JAKMIP1: variants seen among roughly 807,000 people sequenced by gnomAD.
JAKMIP1 encodes janus kinase and microtubule-interacting protein 1.
In JAKMIP1, 33 loss-of-function variants were observed where a neutral mutation model predicts 113.0. The ratio of observed to expected loss-of-function variants is 0.29; its 90% confidence interval spans 0.22 to 0.39. JAKMIP1 has a LOEUF of 0.39. JAKMIP1 is among the 10% of genes least tolerant of loss of function. The pLI, the probability that JAKMIP1 is intolerant of heterozygous loss-of-function variation, is 1.00. For missense variants in JAKMIP1, 813 were observed against 1,080.5 expected (o/e 0.75, Z 3.47); for synonymous variants, 480 against 459.9 (o/e 1.04, Z -0.56).
chr4:6,045,859 G>C (rs1578078850), intron 16 of JAKMIP1, among the ~76,000 whole-genome samples: 1 of 152,150 alleles, frequency 6.6e-6, no homozygotes, highest in South Asian at 2.1e-4. Flanking sequence ...GACAGAGTGA[G>C]ACTCTGTCTC....
At chr4:6,104,822 T>C (rs1354323680) in intron 3 of JAKMIP1, among the ~76,000 whole-genome samples, 1 of 152,174 alleles carries the variant, frequency 6.6e-6, no homozygotes, top group Non-Finnish European at 1.5e-5. Flanking sequence ...GGATCTCCTG[T>C]GCAGCAAGCT....
intron 2 of JAKMIP1, among the ~76,000 whole-genome samples, chr4:6,112,400 G>A (rs1269124289): frequency 2.6e-5 from 4 of 152,136 alleles, no homozygotes; most frequent in Non-Finnish European, 1.5e-5. Context: ...CCCCATCCTC[G>A]AATCGTTCTT....
At chr4:6,164,432 T>G (rs1211828960) in intron 1 of JAKMIP1, among the ~76,000 whole-genome samples, 2 of 151,816 alleles carry the variant, frequency 1.3e-5, no homozygotes, top group Non-Finnish European at 2.9e-5. Context: ...ACAAGAGCTC[T>G]GATGGAGATG....
intron 3 of JAKMIP1, 73 bp downstream of exon 3, chr4:6,105,393 CCTCGGAG>C: frequency 1.4e-6 from 2 of 1,389,032 alleles, no homozygotes; most frequent in Non-Finnish European, 1.9e-6. Context: ...CACAGCAGGT[CCTCGGAG>C]CTCCGCATTT....
chr4:6,171,539 T>C (rs1368524244), intron 1 of JAKMIP1, among the ~76,000 whole-genome samples: 1 of 152,178 alleles, frequency 6.6e-6, no homozygotes, highest in African/African-American at 2.4e-5. Context: ...GAAAGGTAGA[T>C]GAGAAACAGA....
At chr4:6,112,216 G>A (rs538805992) in intron 2 of JAKMIP1, among the ~76,000 whole-genome samples, 2 of 152,278 alleles carry the variant, frequency 1.3e-5, no homozygotes, top group African/African-American at 4.8e-5. Flanking sequence ...ACAAATAGCC[G>A]AAGCTCAGCC....
chr4:6,068,740 A>T (rs546812324), intron 8 of JAKMIP1, among the ~76,000 whole-genome samples: 67 of 151,432 alleles, frequency 4.4e-4, no homozygotes, highest in Non-Finnish European at 3.7e-4. Flanking sequence ...GTACATATAT[A>T]TTTTTCTTAA....
chr4:6,130,363 T>C (rs761588470), intron 1 of JAKMIP1, among the ~76,000 whole-genome samples: 7 of 152,220 alleles, frequency 4.6e-5, no homozygotes, highest in Non-Finnish European at 7.3e-5. Flanking sequence ...ACTGAGGTCA[T>C]AGGACAAACT....
At chr4:6,165,738 T>C (rs796663455) in intron 1 of JAKMIP1, among the ~76,000 whole-genome samples, 10 of 152,342 alleles carry the variant, frequency 6.6e-5, no homozygotes, top group African/African-American at 2.4e-4. Context: ...ACTCGCTTTA[T>C]TGCAATATTT....
At chr4:6,060,379 G>A in intron 11 of JAKMIP1, 45 bp downstream of exon 11, 2 of 1,444,222 alleles carry the variant, frequency 1.4e-6, no homozygotes, top group Non-Finnish European at 2.0e-6. Flanking sequence ...CCACCAAGGG[G>A]ACAGAAAGGC....
chr4:6,073,761 T>TA (rs1719303866), intron 8 of JAKMIP1, among the ~76,000 whole-genome samples: 1 of 152,228 alleles, frequency 6.6e-6, no homozygotes, highest in Non-Finnish European at 1.5e-5. Flanking sequence ...ATCCAGCTAG[T>TA]AGCTAGGGTC....
chr4:6,111,583 G>A (rs915290865), intron 2 of JAKMIP1, among the ~76,000 whole-genome samples: 1 of 152,216 alleles, frequency 6.6e-6, no homozygotes, highest in Non-Finnish European at 1.5e-5. Context: ...TGTCAGATGA[G>A]AAGACAGAGG....
intron 1 of JAKMIP1, among the ~76,000 whole-genome samples, chr4:6,146,955 C>CA (rs2108973570): frequency 6.6e-6 from 1 of 152,082 alleles, no homozygotes; most frequent in African/African-American, 2.4e-5. Context: ...GAGCCTAATT[C>CA]AGTTTTTTTT....
At chr4:6,078,402 CTTTTT>C (rs11451395) in intron 8 of JAKMIP1, among the ~76,000 whole-genome samples, 1 of 130,562 alleles carries the variant, frequency 7.7e-6, no homozygotes, top group Non-Finnish European at 1.6e-5. Context: ...GCAAACTATG[CTTTTT>C]TTTTTTTTTT....
At chr4:6,114,785 G>A (rs1715493880) in intron 1 of JAKMIP1, among the ~76,000 whole-genome samples, 1 of 152,176 alleles carries the variant, frequency 6.6e-6, no homozygotes, top group African/African-American at 2.4e-5. Context: ...CCTCACCTCG[G>A]CTGACCTGCC....
At position 6,051,938 on chromosome 4, in the gene JAKMIP1, C is replaced by T. The variant is rs374660741; in HGVS notation, c.1807-1259G>A. 3.0e-4 allele frequency among the ~76,000 whole-genome samples: 45 copies of T among 152,168 alleles called. 1 individual carries two copies. The highest frequency in any genetic ancestry group is 2.9e-3 in the East Asian group (15 of 5,166). ...AACTGCTTTAGTTTGAGCAGAGTTA[C>T]GGTAAGGTAAAAAATAACATGCTTT... On this transcript the variant is annotated intron_variant, in intron 13 of 20. Transcript: ENST00000409021. The surrounding 1 kb of genome is among the most constrained non-coding windows in gnomAD (Gnocchi z 5.0).
Position 6,069,887 on chromosome 4 carries a change from C to T in JAKMIP1, c.1303-4879G>A, listed in dbSNP as rs1718715029. 6.6e-6 allele frequency among the ~76,000 whole-genome samples: 1 copy of T among 151,476 alleles called. No individual in the cohort carries two copies. The highest frequency in any genetic ancestry group is 2.4e-5 in the African/African-American group (1 of 41,132). ...GAAGCAGAGGGAAAAAGAGGAGGTACCCCCAAAACAAATAGCCCCCCAACC... is the reference window on the plus strand; with the variant it reads ...GAAGCAGAGGGAAAAAGAGGAGGTATCCCCAAAACAAATAGCCCCCCAACC... On this transcript the variant is annotated intron_variant, in intron 8 of 20. Transcript: ENST00000409021. This position sits in a 1 kb window ranked among gnomAD's most constrained non-coding sequence, Gnocchi z 4.5.
intron 11 of JAKMIP1, among the ~76,000 whole-genome samples, chr4:6,058,136 G>T (rs1716745557): frequency 6.6e-6 from 1 of 152,226 alleles, no homozygotes; most frequent in Admixed American, 6.5e-5. Flanking sequence ...GCCTCAGACA[G>T]GTGCCATCCT....
intron 8 of JAKMIP1, among the ~76,000 whole-genome samples, chr4:6,070,749 G>GA (rs1718843231): frequency 6.6e-6 from 1 of 152,224 alleles, no homozygotes; most frequent in Non-Finnish European, 1.5e-5. Flanking sequence ...AGGCACCCTA[G>GA]ACTTGCCAAA....
Sources: gnomAD v4.1 joint callset for allele counts (sites outside exome capture counted in the v4.1 genomes callset) on GRCh38, gnomAD v4.1.1 for gene constraint, Gnocchi (gnomAD v3.1) non-coding constraint, MANE v1.5 for transcripts, NCBI Gene and HGNC (gene_info 2026-07-23, HGNC 2026-07-21) for gene names.